Variants in TENM3 observed in about 807,000 individuals in gnomAD.
TENM3 encodes teneurin-3.
TENM3 carries 63 observed loss-of-function variants against 255.1 expected under a neutral mutation model. That is an observed-to-expected ratio of 0.25 (90% CI 0.20 to 0.30). TENM3 has a LOEUF of 0.30. TENM3 is among the 10% of genes least tolerant of loss of function. TENM3 has a pLI of 1.00. For missense variants in TENM3, 2,929 were observed against 3,461.1 expected, an observed-to-expected ratio of 0.85 and a Z score of 3.86; for synonymous variants, 1,306 against 1,322.3, an observed-to-expected ratio of 0.99 and a Z score of 0.27.
chr4:182,200,792 C>T (rs1437536873), intron 1 of TENM3, among the ~76,000 whole-genome samples: 3 of 150,386 alleles, frequency 2.0e-5, no homozygotes, highest in Non-Finnish European at 2.9e-5. Flanking sequence ...ACAGAACCAG[C>T]CAAGGGGAAG....
intron 3 of TENM3, among the ~76,000 whole-genome samples, chr4:182,378,266 G>A (rs35454628): frequency 0.13 from 20,546 of 152,238 alleles, 1,534 homozygotes; most frequent in African/African-American, 0.16. Flanking sequence ...TTGTGCAGAC[G>A]ACTGGGGATA....
chr4:182,012,456 A>G, the TENM3 span, among the ~76,000 whole-genome samples: 5 of 152,202 alleles, frequency 3.3e-5, no homozygotes, highest in Non-Finnish European at 7.3e-5. Context: ...ATTCTGAACC[A>G]AAGGGATGGA....
intron 3 of TENM3, among the ~76,000 whole-genome samples, chr4:182,498,620 G>A (rs768690869): frequency 5.3e-5 from 8 of 152,162 alleles, no homozygotes; most frequent in East Asian, 1.9e-4. Flanking sequence ...TTGTGAGGCC[G>A]AGGCAGGCAG....
chr4:181,592,411 T>C, the TENM3 span, among the ~76,000 whole-genome samples: 1 of 150,868 alleles, frequency 6.6e-6, no homozygotes, highest in East Asian at 2.0e-4. Flanking sequence ...CTTTGCCTGG[T>C]CACAAAAGCC....
chr4:181,477,967 C>T, the TENM3 span, among the ~76,000 whole-genome samples: 5 of 152,118 alleles, frequency 3.3e-5, no homozygotes, highest in Admixed American at 2.0e-4. Context: ...AAATCATTAA[C>T]GATGGAAAAA....
At chr4:182,571,742 A>G (rs773841589) in intron 3 of TENM3, among the ~76,000 whole-genome samples, 1 of 152,220 alleles carries the variant, frequency 6.6e-6, no homozygotes, top group Non-Finnish European at 1.5e-5. Flanking sequence ...ATAAGAAACC[A>G]TTGGTATGAG....
intron 13 of TENM3, among the ~76,000 whole-genome samples, chr4:182,717,310 T>C (rs939104576): frequency 6.6e-6 from 1 of 152,158 alleles, no homozygotes; most frequent in Non-Finnish European, 1.5e-5. Context: ...GAATTCCTTA[T>C]GAGGAATAGG....
At chr4:182,690,747 A>T (rs948392150) in intron 12 of TENM3, among the ~76,000 whole-genome samples, 4 of 152,194 alleles carry the variant, frequency 2.6e-5, no homozygotes, top group African/African-American at 9.7e-5. Context: ...TTACATGGAT[A>T]ATAGTTTCCC....
chr4:182,079,538 T>G, the TENM3 span: 1 of 151,596 alleles, frequency 6.6e-6, no homozygotes, highest in Non-Finnish European at 1.5e-5. Context: ...TTATAGGAAG[T>G]GACAACCAGA....
chr4:182,431,869 G>T (rs1438188701), intron 3 of TENM3, among the ~76,000 whole-genome samples: 1 of 152,038 alleles, frequency 6.6e-6, no homozygotes, highest in Non-Finnish European at 1.5e-5. Context: ...CTGAGGTCAG[G>T]AGTTTGAGAC....
At chr4:181,824,472 A>G in the TENM3 span, among the ~76,000 whole-genome samples, 1 of 152,108 alleles carries the variant, frequency 6.6e-6, no homozygotes, top group Non-Finnish European at 1.5e-5. Flanking sequence ...CTCTCAGCAA[A>G]CATTTTTTGG....
At chr4:181,548,202 C>T in the TENM3 span, among the ~76,000 whole-genome samples, 1 of 152,172 alleles carries the variant, frequency 6.6e-6, no homozygotes, top group Non-Finnish European at 1.5e-5. Context: ...AACATTTTTA[C>T]ACTGTTAGTG....
At chr4:181,542,291 C>T in the TENM3 span, among the ~76,000 whole-genome samples, 16 of 152,236 alleles carry the variant, frequency 1.1e-4, no homozygotes, top group South Asian at 2.1e-4. Flanking sequence ...GAGCAGCGAG[C>T]CAGACAGATA....
intron 2 of TENM3, among the ~76,000 whole-genome samples, chr4:182,345,096 T>A (rs570288484): frequency 2.4e-4 from 37 of 152,302 alleles, no homozygotes; most frequent in African/African-American, 8.2e-4. Context: ...TTGCAGCTAA[T>A]TGTAGCAACT....
At chr4:182,699,114 T>C (rs754030266) in intron 12 of TENM3, among the ~76,000 whole-genome samples, 3 of 152,232 alleles carry the variant, frequency 2.0e-5, no homozygotes, top group Admixed American at 2.0e-4. Context: ...TGTTTACTTG[T>C]GCAGGAATTT....
chr4:181,849,949 T>TCTCTCTCTCACACACACACACACACACA, the TENM3 span, among the ~76,000 whole-genome samples: 1 of 65,964 alleles, frequency 1.5e-5, no homozygotes, highest in African/African-American at 4.4e-5. Flanking sequence ...TCTCTCTCTC[T>TCTCTCTCTCACACACACACACACACACA]CACACACACA....
At chr4:182,191,005 C>G (rs1197525761) in intron 1 of TENM3, among the ~76,000 whole-genome samples, 1 of 152,104 alleles carries the variant, frequency 6.6e-6, no homozygotes, top group Non-Finnish European at 1.5e-5. Context: ...TCCTGGTTAA[C>G]CATTTTAGCC....
At chr4:182,606,393 G>A (rs1334273504) in intron 4 of TENM3, among the ~76,000 whole-genome samples, 5 of 151,850 alleles carry the variant, frequency 3.3e-5, no homozygotes, top group African/African-American at 1.2e-4. Flanking sequence ...GCGGGGTGGT[G>A]GGCACCTGTA....
In TENM3 at chr4:182,746,791, G is replaced by A. The variant is rs572136514; in HGVS notation, c.3629+3372G>A. ...AAAATAAACGGAAGGAGAGAATGGA[G>A]AGTATTTGTCTAAGTGATAAGAAAG... On this transcript the variant is annotated intron_variant, in intron 19 of 27. Transcript: ENST00000511685. Among the ~76,000 whole-genome samples, 2 of 152,170 alleles carry A rather than the reference G, an allele frequency of 1.3e-5. 1 individual carries two copies. Among genetic ancestry groups the A allele is most frequent in the Admixed American group, 1.3e-4 (2 of 15,278 alleles).
Sources: gnomAD v4.1 joint callset for allele counts (sites outside exome capture counted in the v4.1 genomes callset) on GRCh38, gnomAD v4.1.1 for gene constraint, MANE v1.5 for transcripts, NCBI Gene and HGNC (gene_info 2026-07-23, HGNC 2026-07-21) for gene names.